Variants in CALCOCO1 observed in about 807,000 individuals in gnomAD.
The protein encoded by CALCOCO1 is calcium-binding and coiled-coil domain-containing protein 1.
Under a neutral mutation model 86.3 loss-of-function variants are expected in CALCOCO1, and 44 were observed. That is an observed-to-expected ratio of 0.51 (90% CI 0.40 to 0.66). The LOEUF is 0.66. CALCOCO1 is among the 30% of genes least tolerant of loss of function. CALCOCO1 has a pLI of 0.00. For missense variants in CALCOCO1, 708 were observed against 851.1 expected, an observed-to-expected ratio of 0.83 and a Z score of 2.09; for synonymous variants, 297 against 327.6, an observed-to-expected ratio of 0.91 and a Z score of 1.01.
rs4759050 is a variant in CALCOCO1, at chr12:53,709,528, T to C, written c.*2416A>G. The stretch of plus-strand genomic sequence containing the variant: ...CCATGTTGAGGAGCCTGGTGGGGGG[T>C]TGGGGGGCTTCATGGAGGAGGGGAG... On this transcript the variant is annotated 3_prime_UTR_variant, in exon 15 of 15. Coordinates refer to ENST00000550804, the MANE Select transcript of CALCOCO1 (RefSeq NM_020898.3). 60,295 of 151,664 alleles carry C rather than the reference T, an allele frequency of 0.4. 12,188 individuals are homozygous for C. Among genetic ancestry groups the C allele is most frequent in the South Asian group, 0.52 (2,508 of 4,810 alleles). 9.4% of individuals were successfully genotyped at this position (151,664 alleles called of 1,614,324 possible). A position where few individuals can be genotyped will look rare whatever the true frequency, so the allele number is the denominator to read the frequency against.
chr12:53,715,344 G>A lies in CALCOCO1; in HGVS notation c.1261-19C>T. The A allele has an allele frequency of 6.2e-7, 1 of 1,614,092 alleles. No homozygotes were observed. Among genetic ancestry groups the A allele is most frequent in the Non-Finnish European group, 8.5e-7 (1 of 1,179,980 alleles). The stretch of plus-strand genomic sequence containing the variant: ...TCTCTGCCTGAGAGATAGCCAAGAA[G>A]GAAAATGGGAGGGTGGAGGGGGAAG... On this transcript the variant is annotated intron_variant, in intron 9 of 14. Transcript: ENST00000550804.
Position 53,725,195 on chromosome 12 carries a change from G to A in CALCOCO1, c.48C>T (p.Asn16=), listed in dbSNP as rs991528139. The part of the protein sequence containing the change: ...LSRAPSRGGV[N]FLNVARTYIP... ...TGTAGGTCCGGGCTACATTGAGAAA[G>A]TTGACTCCACCACGGGATGGTGCCC... is the stretch of plus-strand genomic sequence containing the variant. Residue 16 remains asparagine (N), a synonymous_variant, in exon 2 of 15, where the codon AAC becomes AAT. Transcript: ENST00000550804. 3 of 1,612,382 alleles carry A rather than the reference G, an allele frequency of 1.9e-6. No individual in the cohort carries two copies. In the African/African-American group the frequency reaches 4.0e-5, roughly 22 times the overall value.
chr12:53,714,338 T>G lies in CALCOCO1; in HGVS notation c.1483-97A>C, dbSNP rs1477911485. The G allele has an allele frequency of 8.8e-6, 8 of 912,770 alleles. No homozygotes were observed. In the Admixed American group the frequency reaches 1.5e-4, roughly 17 times the overall value. The allele number at this position is 912,770 out of a possible 1,614,324, so 56.5% of individuals were successfully genotyped here. On this transcript the variant is annotated intron_variant, in intron 11 of 14. Coordinates refer to ENST00000550804, the MANE Select transcript of CALCOCO1 (RefSeq NM_020898.3). ...GCACCCAAGAAGAACTCTTAGCTCC[T>G]CAGCATTAGATGCCTTCAGCAAAGA...
In CALCOCO1 at chr12:53,708,651, C is replaced by T. The variant is rs1363411697; in HGVS notation, c.*3293G>A. 1 of 152,030 alleles carries T rather than the reference C, an allele frequency of 6.6e-6. No individual in the cohort carries two copies. The highest frequency in any genetic ancestry group is 1.5e-5 in the Non-Finnish European group (1 of 68,012). 9.4% of individuals were successfully genotyped at this position (152,030 alleles called of 1,614,324 possible). ...TAACTTAAAGATTATTTCTGGAGGA[C>T]TGGTCCTATGTTCCAGTCTCTATAC... On this transcript the variant is annotated 3_prime_UTR_variant, in exon 15 of 15. Transcript: ENST00000550804.
chr12:53,727,285 A>G (rs962969826), intron 1 of CALCOCO1, 119 bp downstream of exon 1: 2 of 152,180 alleles, frequency 1.3e-5, no homozygotes, highest in African/African-American at 4.8e-5. Context: ...AAAGGGTTAC[A>G]ACCCAAACGC....
In CALCOCO1 at chr12:53,723,692, C is replaced by A. The variant is rs763444580; in HGVS notation, c.351G>T (p.Gln117His). 1.9e-6 allele frequency: 3 copies of A among 1,614,210 alleles called. No individual in the cohort carries two copies. The highest frequency in any genetic ancestry group is 2.2e-5 in the South Asian group (2 of 91,084). ...CATCCATGGGCCTTGGCTCTCGGAA[C>A]TGGAAAGGGGGGCTCTGCCCACACA... The part of the protein sequence containing the change: ...GQVCGQSPPF[Q>H]FREPRPMDEL... Residue 117 changes from glutamine (Q) to histidine (H), a missense_variant, in exon 4 of 15, where the codon CAG (glutamine) becomes CAT (histidine). Coordinates refer to ENST00000550804, the MANE Select transcript of CALCOCO1 (RefSeq NM_020898.3).
chr12:53,721,841 G>T (rs77592174), intron 5 of CALCOCO1, 184 bp downstream of exon 5: 1 of 811,534 alleles, frequency 1.2e-6, no homozygotes, highest in Non-Finnish European at 2.0e-6. Flanking sequence ...CTCATTACAC[G>T]TTTGGAACAT....
chr12:53,713,052 C>T lies in CALCOCO1; in HGVS notation c.1898+48G>A, dbSNP rs201293930. On this transcript the variant is annotated intron_variant, in intron 14 of 14. Transcript: ENST00000550804. ...TGACTGTCCACACAGATGCCCTTTC[C>T]CTCTGACCTCCTCCCACCTCCCTCC... 2.0e-5 allele frequency: 30 copies of T among 1,533,008 alleles called. No individual in the cohort carries two copies. In the Admixed American group the frequency reaches 4.7e-4, roughly 24 times the overall value. 95.0% of individuals were successfully genotyped at this position (1,533,008 alleles called of 1,614,324 possible). A position where few individuals can be genotyped will look rare whatever the true frequency, so the allele number is the denominator to read the frequency against.
rs540189028 is a variant in CALCOCO1, at chr12:53,717,535, C to T, written c.850-1120G>A. On this transcript the variant is annotated intron_variant, in intron 7 of 14. Coordinates refer to ENST00000550804, the MANE Select transcript of CALCOCO1 (RefSeq NM_020898.3). ...GTTCTGGCCTTTAAGCCTTTGCTCACGTCTTTCTCTGTTCCTAGAATAGCC... is the reference window on the plus strand; with the variant it reads ...GTTCTGGCCTTTAAGCCTTTGCTCATGTCTTTCTCTGTTCCTAGAATAGCC... 7.2e-5 allele frequency among the ~76,000 whole-genome samples: 11 copies of T among 152,318 alleles called. No individual in the cohort carries two copies. The South Asian group carries it at 1.4e-3, about 20-fold the overall frequency.
At chr12:53,726,048 G>C (rs1946020635) in intron 1 of CALCOCO1, among the ~76,000 whole-genome samples, 1 of 152,136 alleles carries the variant, frequency 6.6e-6, no homozygotes, top group Non-Finnish European at 1.5e-5. Context: ...GAACGTGGTG[G>C]GGGTGGGGAG....
At chr12:53,719,895 C>T (rs1185886526) in intron 6 of CALCOCO1, 66 bp from the exon 7 acceptor site, 1 of 1,067,382 alleles carries the variant, frequency 9.4e-7, no homozygotes. Flanking sequence ...ACTCAGGCCT[C>T]TGTCTTGTGC....
At chr12:53,722,943 C>CAAAAAAAAAAAAAAAAAAAAA in intron 4 of CALCOCO1, 2 of 188,528 alleles carry the variant, frequency 1.1e-5, no homozygotes, top group Non-Finnish European at 2.0e-5. Flanking sequence ...AAGGCTGTCT[C>CAAAAAAAAAAAAAAAAAAAAA]AAAAAAAAAA....
rs1030520322 is a variant in CALCOCO1, at chr12:53,714,642, G to A, written c.1438C>T (p.Arg480Cys). ...RELTELRSAL[R>C]VLQKEKEQLQ... is the part of the protein sequence containing the mutation. Reference sequence around the variant, plus strand: ...TGCTCCTTTTCCTTCTGGAGCACACGCAGGGCTGACCGCAGCTCTGTCAGC... The same window carrying A: ...TGCTCCTTTTCCTTCTGGAGCACACACAGGGCTGACCGCAGCTCTGTCAGC... Residue 480 changes from arginine to cysteine, a missense_variant, in exon 11 of 15, where the codon CGT becomes TGT. Transcript: ENST00000550804. 5.0e-6 allele frequency: 8 copies of A among 1,613,926 alleles called. No homozygotes were observed. Among genetic ancestry groups the A allele is most frequent in the East Asian group, 2.2e-5 (1 of 44,890 alleles).
chr12:53,716,715 C>T (rs945694512), intron 7 of CALCOCO1, among the ~76,000 whole-genome samples: 1 of 152,116 alleles, frequency 6.6e-6, no homozygotes, highest in Non-Finnish European at 1.5e-5. Context: ...GTCTTCATGC[C>T]CTACAGGCCC....
rs746247247 is a variant in CALCOCO1, at chr12:53,721,582, C to G, written c.643G>C (p.Glu215Gln). The G allele has an allele frequency of 1.9e-6, 3 of 1,614,096 alleles. No individual in the cohort carries two copies. Among genetic ancestry groups the G allele is most frequent in the South Asian group, 2.2e-5 (2 of 91,066 alleles). The change falls in exon 6 of 15, where the codon GAG becomes CAG. Residue 215 changes from glutamate (E) to glutamine (Q), a missense_variant. Coordinates refer to ENST00000550804, the MANE Select transcript of CALCOCO1 (RefSeq NM_020898.3). ...TGTTGCCGGCTCAGGATGTCCCTCT[C>G]TTCTGTGATCTCCCCATGGGACCGG... ...ISRSHGEITE[E>Q]RDILSRQQGD...
Position 53,716,400 on chromosome 12 carries a change from C to T in CALCOCO1, c.865G>A (p.Ala289Thr). 1 of 1,614,114 alleles carries T rather than the reference C, an allele frequency of 6.2e-7. No individual in the cohort carries two copies. The highest frequency in any genetic ancestry group is 1.1e-5 in the South Asian group (1 of 91,074). Residue 289 changes from alanine (A) to threonine (T), a missense_variant, in exon 8 of 15, where the codon GCA becomes ACA. Coordinates refer to ENST00000550804, the MANE Select transcript of CALCOCO1 (RefSeq NM_020898.3). The stretch of plus-strand genomic sequence containing the variant: ...TTTAAGTGATGGTTCTCCTGTTGTG[C>T]CACTTGGAGCTCAGCCTGAGGGAAG... ...KEQSEAELQVAQQENHHLNLD... is the reference protein window; with the variant it reads ...KEQSEAELQVTQQENHHLNLD...
intron 9 of CALCOCO1, 45 bp downstream of exon 9, chr12:53,715,748 G>A (rs1945706844): frequency 1.3e-6 from 2 of 1,599,774 alleles, no homozygotes; most frequent in Non-Finnish European, 1.7e-6. Flanking sequence ...CCACAGAGGT[G>A]GGGGCAGTGG....
At position 53,712,057 on chromosome 12, in the gene CALCOCO1, C is replaced by T. The variant is rs1156655346; in HGVS notation, c.1963G>A (p.Glu655Lys). Residue 655 changes from glutamate (E) to lysine (K), a missense_variant, in exon 15 of 15, where the codon GAG becomes AAG. Coordinates refer to ENST00000550804, the MANE Select transcript of CALCOCO1 (RefSeq NM_020898.3). Reference protein sequence around the residue: ...TGGPATPTWKECPICKERFPA... With the variant: ...TGGPATPTWKKCPICKERFPA... ...AAGCGCTCCTTACAGATAGGACACT[C>T]CTTCCATGTGGGGGTGGCAGGGCCC... The T allele has an allele frequency of 6.2e-7, 1 of 1,612,532 alleles. No homozygotes were observed. Among genetic ancestry groups the T allele is most frequent in the Admixed American group, 1.7e-5 (1 of 59,818 alleles).
In CALCOCO1 at chr12:53,711,029, C is replaced by T. The variant is rs903510585; in HGVS notation, c.*915G>A. 2.7e-6 allele frequency: 1 copy of T among 371,554 alleles called. No homozygotes were observed. Among genetic ancestry groups the T allele is most frequent in the African/African-American group, 2.1e-5 (1 of 47,530 alleles). The allele number at this position is 371,554 out of a possible 1,614,324, so 23.0% of individuals were successfully genotyped here. On this transcript the variant is annotated 3_prime_UTR_variant, in exon 15 of 15. Transcript: ENST00000550804. ...CAGGGATGCGTCCCCTCTTTCCCTCCTCCCTCCACCAGGGTCTAAGAGCTG... is the reference window on the plus strand; with the variant it reads ...CAGGGATGCGTCCCCTCTTTCCCTCTTCCCTCCACCAGGGTCTAAGAGCTG...
Sources: gnomAD v4.1 joint callset for allele counts (sites outside exome capture counted in the v4.1 genomes callset) on GRCh38, gnomAD v4.1.1 for gene constraint, MANE v1.5 for transcripts, NCBI Gene and HGNC (gene_info 2026-07-23, HGNC 2026-07-21) for gene names.